The following NOC3L variants were observed in gnomAD, a reference collection of about 807,000 sequenced individuals.
NOC3L encodes the protein nucleolar complex protein 3 homolog.
Under a neutral mutation model 102.5 loss-of-function variants are expected in NOC3L, and 85 were observed. The ratio of observed to expected loss-of-function variants is 0.83; its 90% confidence interval spans 0.70 to 0.99. The LOEUF is 0.99. Ranked by LOEUF, NOC3L falls within the 50% of genes least tolerant of loss-of-function variation. The pLI is 0.00. For missense variants in NOC3L, 878 were observed against 914.9 expected, an observed-to-expected ratio of 0.96 and a Z score of 0.52; for synonymous variants, 303 against 309.4, an observed-to-expected ratio of 0.98 and a Z score of 0.22.
the NOC3L span, among the ~76,000 whole-genome samples, chr10:94,327,784 T>C: frequency 6.6e-6 from 1 of 152,180 alleles, no homozygotes; most frequent in African/African-American, 2.4e-5. Context: ...AAGGCAGAAA[T>C]AACCTAATGT....
Position 94,339,936 on chromosome 10 carries a change from T to TA in NOC3L, c.1781-17dup. 9 of 1,606,070 alleles carry TA rather than the reference T, an allele frequency of 5.6e-6. No individual in the cohort carries two copies. The Middle Eastern group carries it at 1.5e-3, about 266-fold the overall frequency. Reference sequence around the variant, plus strand: ...TTGGTAGCACCTAAAACAGCAGACATATTCTTCAGAGCTGTTCTCATTACT... The same window carrying TA: ...TTGGTAGCACCTAAAACAGCAGACATAATTCTTCAGAGCTGTTCTCATTACT... On this transcript the variant is annotated splice_polypyrimidine_tract_variant and intron_variant, in intron 16 of 20. Transcript: ENST00000371361.
In NOC3L at chr10:94,340,308, T is replaced by G; in HGVS notation, c.1748A>C (p.His583Pro). 1 of 1,612,592 alleles carries G rather than the reference T, an allele frequency of 6.2e-7. No individual in the cohort carries two copies. The highest frequency in any genetic ancestry group is 8.5e-7 in the Non-Finnish European group (1 of 1,179,288). Residue 583 changes from histidine to proline, a missense_variant, in exon 16 of 21, where the codon CAT becomes CCT. By Grantham distance (77) the His-to-Pro change is moderately conservative. Coordinates refer to ENST00000371361, the MANE Select transcript of NOC3L (RefSeq NM_022451.11). ...TAATTTGAACAGTGTTTTGTAGAGA[T>G]GTGTGTAGAATTTCAATGGATCAAT... is the stretch of plus-strand genomic sequence containing the variant. ...LNIDPLKFYT[H>P]LYKTLFKLHA...
At chr10:94,360,737 G>A (rs1397888502) in intron 2 of NOC3L, among the ~76,000 whole-genome samples, 2 of 152,116 alleles carry the variant, frequency 1.3e-5, no homozygotes, top group African/African-American at 2.4e-5. Flanking sequence ...AAATGCTTGA[G>A]GTGATGGATA....
chr10:94,353,634 C>T (rs929078587), intron 6 of NOC3L, among the ~76,000 whole-genome samples: 2 of 152,164 alleles, frequency 1.3e-5, no homozygotes, highest in African/African-American at 4.8e-5. Flanking sequence ...GACACACCTC[C>T]AAACTATATC....
Position 94,354,885 on chromosome 10 carries a change from G to A in NOC3L, c.696+78C>T, listed in dbSNP as rs538784513. 6 of 1,429,088 alleles carry A rather than the reference G, an allele frequency of 4.2e-6. No homozygotes were observed. In the South Asian group the frequency reaches 7.9e-5, roughly 19 times the overall value. The allele number at this position is 1,429,088 out of a possible 1,614,324, so 88.5% of individuals were successfully genotyped here. ...CTTTTCCTTTTAGTGTATGCTTATA[G>A]GTAACAAGGGAATCTTAACAATTAG... On this transcript the variant is annotated intron_variant, in intron 6 of 20. Transcript: ENST00000371361.
intron 8 of NOC3L, among the ~76,000 whole-genome samples, chr10:94,351,682 T>A (rs1411222679): frequency 6.6e-6 from 1 of 150,726 alleles, no homozygotes; most frequent in Admixed American, 6.6e-5. Flanking sequence ...GCATGGGCCA[T>A]CATGCCTAAT....
At chr10:94,347,030 A>T (rs2054352622) in intron 10 of NOC3L, among the ~76,000 whole-genome samples, 1 of 152,166 alleles carries the variant, frequency 6.6e-6, no homozygotes, top group South Asian at 2.1e-4. Context: ...GCTTTATGCC[A>T]TTCAAAAATT....
chr10:94,324,927 C>T, the NOC3L span: 15 of 1,614,052 alleles, frequency 9.3e-6, no homozygotes, highest in African/African-American at 2.7e-5. Flanking sequence ...GCATTTCTTT[C>T]GCAAGTGAAC....
intron 10 of NOC3L, among the ~76,000 whole-genome samples, chr10:94,347,216 T>G (rs1331552622): frequency 1.3e-5 from 2 of 152,146 alleles, no homozygotes; most frequent in Non-Finnish European, 2.9e-5. Context: ...AGGTTTGTAT[T>G]ATTTTGATGT....
At chr10:94,356,153 T>C (rs1016036011) in intron 5 of NOC3L, among the ~76,000 whole-genome samples, 3 of 152,222 alleles carry the variant, frequency 2.0e-5, no homozygotes, top group African/African-American at 7.2e-5. Context: ...CAAGTATAAT[T>C]GTGCTAGAAA....
intron 17 of NOC3L, 57 bp downstream of exon 17, chr10:94,339,682 C>CA (rs991642363): frequency 3.0e-5 from 42 of 1,418,046 alleles, no homozygotes; most frequent in African/African-American, 5.8e-5. Flanking sequence ...ATGCCTCAAA[C>CA]AAAAAAAATC....
intron 1 of NOC3L, 83 bp from the exon 2 acceptor site, chr10:94,361,955 T>C (rs1460375725): frequency 7.7e-6 from 8 of 1,043,010 alleles, no homozygotes; most frequent in Non-Finnish European, 1.2e-5. Flanking sequence ...CAAATTTCAT[T>C]AGACCAATTC....
chr10:94,325,205 G>C, the NOC3L span: 4 of 880,824 alleles, frequency 4.5e-6, no homozygotes, highest in Non-Finnish European at 7.5e-6. Flanking sequence ...TCCAACAGGA[G>C]GATGTCCCTT....
At position 94,338,856 on chromosome 10, in the gene NOC3L, T is replaced by G. The variant is rs2054250752; in HGVS notation, c.1963-120A>C. The G allele has an allele frequency of 2.6e-5, 19 of 725,486 alleles. No individual in the cohort carries two copies. In the East Asian group the frequency reaches 5.9e-4, roughly 22 times the overall value. The allele number at this position is 725,486 out of a possible 1,614,324, so 44.9% of individuals were successfully genotyped here. ...GGTTGTATAAGAGCTTTGCATAAAG[T>G]CTTTACACCTAGATTTAATAAAAAA... On this transcript the variant is annotated intron_variant, in intron 17 of 20. Coordinates refer to ENST00000371361, the MANE Select transcript of NOC3L (RefSeq NM_022451.11).
At chr10:94,360,586 T>C (rs867396719) in intron 2 of NOC3L, among the ~76,000 whole-genome samples, 3 of 151,604 alleles carry the variant, frequency 2.0e-5, no homozygotes, top group South Asian at 4.2e-4. Context: ...GAGATAGGAG[T>C]AGGGATGGTT....
At position 94,339,720 on chromosome 10, in the gene NOC3L, C is replaced by T. The variant is rs759961954; in HGVS notation, c.1962+19G>A. 7 of 1,597,618 alleles carry T rather than the reference C, an allele frequency of 4.4e-6. No homozygotes were observed. The highest frequency in any genetic ancestry group is 5.1e-6 in the Non-Finnish European group (6 of 1,169,700). On this transcript the variant is annotated intron_variant, in intron 17 of 20. Transcript: ENST00000371361. ...TGCATTATAAGAACTTAGCTCTGTT[C>T]ATTTGTATCACTACTTACATGCATT...
the NOC3L span, chr10:94,325,013 T>C: frequency 6.2e-7 from 1 of 1,614,128 alleles, no homozygotes; most frequent in Admixed American, 1.7e-5. Flanking sequence ...TCAGAAAGTA[T>C]CCAAACCAAG....
chr10:94,325,345 TC>T, the NOC3L span: 1 of 408,614 alleles, frequency 2.4e-6, no homozygotes, highest in Non-Finnish European at 4.6e-6. Flanking sequence ...ATGCCTGTAA[TC>T]CCAGCACTTT....
rs193280174 is a variant in NOC3L at position 94,349,863 on chromosome 10, A to T, written c.1128+250T>A. Among the ~76,000 whole-genome samples the T allele has an allele frequency of 1.2e-3, 187 of 152,172 alleles. 1 individual carries two copies. The highest frequency in any genetic ancestry group is 2.3e-3 in the Non-Finnish European group (156 of 67,996). On this transcript the variant is annotated intron_variant, in intron 9 of 20. Coordinates refer to ENST00000371361, the MANE Select transcript of NOC3L (RefSeq NM_022451.11). ...AAGCTCTGCCTCCTGAGTTCACGCC[A>T]TTCTCCTGCCTCAGCCTCCCAAGTA... is the stretch of plus-strand genomic sequence containing the variant.
Sources: allele counts gnomAD v4.1 joint callset (sites outside exome capture counted in the v4.1 genomes callset), GRCh38; gene constraint gnomAD v4.1.1; transcripts MANE v1.5; gene names NCBI Gene and HGNC (gene_info 2026-07-23, HGNC 2026-07-21).